The following TBC1D19 variants were observed in gnomAD, a reference collection of about 807,000 sequenced individuals.
TBC1D19 encodes the protein TBC1 domain family, member 19.
A neutral mutation model predicts 89.0 loss-of-function variants in TBC1D19; 60 were observed. The ratio of observed to expected loss-of-function variants is 0.67; its 90% CI spans 0.55 to 0.84. The LOEUF (loss-of-function observed/expected upper bound fraction) is 0.84. Ranked by LOEUF, TBC1D19 falls within the 40% of genes least tolerant of loss-of-function variation. The pLI is 0.00. For missense variants in TBC1D19, 500 were observed against 610.8 expected (o/e 0.82, Z 1.91); for synonymous variants, 189 against 199.7 (o/e 0.95, Z 0.45).
chr4:26,732,849 T>TGGGC (rs1717749475), intron 15 of TBC1D19, among the ~76,000 whole-genome samples: 1 of 152,174 alleles, frequency 6.6e-6, no homozygotes, highest in African/African-American at 2.4e-5. Flanking sequence ...CATCCTCCTC[T>TGGGC]GGGCTGTAAG....
intron 7 of TBC1D19, among the ~76,000 whole-genome samples, chr4:26,644,315 A>T (rs1021729647): frequency 5.9e-5 from 9 of 152,238 alleles, no homozygotes; most frequent in African/African-American, 2.2e-4. Context: ...AGAACCAAAG[A>T]CAAAAATCAC....
chr4:26,663,355 C>T (rs543959305), intron 8 of TBC1D19, among the ~76,000 whole-genome samples: 27 of 152,020 alleles, frequency 1.8e-4, no homozygotes, highest in African/African-American at 3.9e-4. Context: ...GACTGAAGGA[C>T]GGAAAGAATG....
chr4:26,620,585 A>G (rs764362498), intron 3 of TBC1D19, 28 bp from the exon 4 acceptor site: 1 of 1,598,608 alleles, frequency 6.3e-7, no homozygotes, highest in Admixed American at 1.7e-5. Flanking sequence ...ATAATGTGTG[A>G]TATTTAGCTG....
intron 7 of TBC1D19, among the ~76,000 whole-genome samples, chr4:26,646,544 A>G (rs932677868): frequency 1.3e-5 from 2 of 152,248 alleles, no homozygotes; most frequent in Admixed American, 6.5e-5. Context: ...TCACAATAGC[A>G]AAGACTTGGA....
the TBC1D19 span, among the ~76,000 whole-genome samples, chr4:26,830,619 C>T: frequency 1.3e-5 from 2 of 152,178 alleles, no homozygotes; most frequent in African/African-American, 2.4e-5. Flanking sequence ...AATTCAGAGG[C>T]TCTCAAAGTT....
the TBC1D19 span, among the ~76,000 whole-genome samples, chr4:26,792,903 C>T: frequency 4.6e-5 from 7 of 152,210 alleles, no homozygotes; most frequent in Non-Finnish European, 8.8e-5. Flanking sequence ...TCTTTGCAGC[C>T]TTCCTGTTTT....
At chr4:26,847,595 G>C in the TBC1D19 span, among the ~76,000 whole-genome samples, 1 of 152,198 alleles carries the variant, frequency 6.6e-6, no homozygotes, top group African/African-American at 2.4e-5. Flanking sequence ...AAAGGTATCT[G>C]GGGCCAGATC....
At chr4:26,673,297 G>C (rs1450923675) in intron 10 of TBC1D19, among the ~76,000 whole-genome samples, 1 of 151,116 alleles carries the variant, frequency 6.6e-6, no homozygotes, top group Non-Finnish European at 1.5e-5. Flanking sequence ...GTAATTCTTA[G>C]GCATGAAACT....
chr4:26,592,932 C>A (rs1278436884), intron 1 of TBC1D19, among the ~76,000 whole-genome samples: 6 of 152,014 alleles, frequency 3.9e-5, no homozygotes, highest in Admixed American at 3.9e-4. Context: ...TTTATAGATT[C>A]AATGCCATCC....
At chr4:26,673,444 T>TACACACACACACAC (rs149722432) in intron 10 of TBC1D19, among the ~76,000 whole-genome samples, 210 of 78,342 alleles carry the variant, frequency 2.7e-3, no homozygotes, top group African/African-American at 9.3e-3. Flanking sequence ...TATATATATA[T>TACACACACACACAC]ATACACACAC....
At chr4:26,693,012 G>C (rs1451445501) in intron 13 of TBC1D19, among the ~76,000 whole-genome samples, 1 of 151,976 alleles carries the variant, frequency 6.6e-6, no homozygotes, top group Non-Finnish European at 1.5e-5. Flanking sequence ...TGTAGTCCCA[G>C]CTACTCAGGA....
intron 1 of TBC1D19, among the ~76,000 whole-genome samples, chr4:26,602,435 C>CTTT (rs34004440): frequency 7.8e-4 from 57 of 73,044 alleles, no homozygotes; most frequent in African/African-American, 2.1e-3. Flanking sequence ...CTATTGTATT[C>CTTT]TTTTTTTTTT....
At chr4:26,817,908 C>G in the TBC1D19 span, among the ~76,000 whole-genome samples, 8 of 149,508 alleles carry the variant, frequency 5.4e-5, no homozygotes, top group African/African-American at 2.0e-4. Flanking sequence ...GCAGAGGTTG[C>G]AGTGAGCCAA....
upstream of TBC1D19, among the ~76,000 whole-genome samples, chr4:26,579,871 A>G (rs1271961120): frequency 6.6e-6 from 1 of 152,166 alleles, no homozygotes; most frequent in East Asian, 1.9e-4. Context: ...TGCAGCAGCC[A>G]TCTCGAGACT....
intron 1 of TBC1D19, among the ~76,000 whole-genome samples, chr4:26,610,706 G>A (rs1402070750): frequency 1.3e-5 from 2 of 151,786 alleles, no homozygotes; most frequent in Non-Finnish European, 2.9e-5. Context: ...TGTGGGTTTC[G>A]TTTTTCTGTC....
At chr4:26,713,069 A>G (rs1282371553) in intron 13 of TBC1D19, among the ~76,000 whole-genome samples, 1 of 152,066 alleles carries the variant, frequency 6.6e-6, no homozygotes, top group Non-Finnish European at 1.5e-5. Context: ...TAATATTTAT[A>G]AATTTAGAAT....
chr4:26,849,753 G>T, the TBC1D19 span, among the ~76,000 whole-genome samples: 1 of 152,126 alleles, frequency 6.6e-6, no homozygotes, highest in Admixed American at 6.5e-5. Context: ...TCCTCTTGTT[G>T]TTGGGTGAAC....
intron 17 of TBC1D19, 21 bp from the exon 18 acceptor site, chr4:26,742,487 A>G (rs773340046): frequency 3.2e-6 from 5 of 1,543,732 alleles, no homozygotes; most frequent in Non-Finnish European, 4.4e-6. Context: ...TATTTCTCTT[A>G]TGATTCATTA....
the TBC1D19 span, among the ~76,000 whole-genome samples, chr4:26,793,512 G>A: frequency 3.9e-3 from 594 of 152,208 alleles, 2 homozygotes; most frequent in South Asian, 0.028. Flanking sequence ...ATCACTTGAT[G>A]TCAGGAGTTC....
Sources: gnomAD v4.1 joint callset for allele counts (sites outside exome capture counted in the v4.1 genomes callset) on GRCh38, gnomAD v4.1.1 for gene constraint, MANE v1.5 for transcripts, NCBI Gene and HGNC (gene_info 2026-07-23, HGNC 2026-07-21) for gene names.